Variants in ROBO2 observed in about 807,000 individuals in gnomAD.
ROBO2 encodes roundabout guidance receptor 2.
ROBO2 carries 53 observed loss-of-function variants against 160.8 expected under a neutral mutation model. The observed-to-expected ratio is 0.33, with a 90% CI of 0.26 to 0.41. The LOEUF (loss-of-function observed/expected upper bound fraction) is 0.41. Among genes scored for constraint, ROBO2 ranks in the 10% least tolerant of loss-of-function variants. The probability of loss-of-function intolerance (pLI) is 1.00; values close to 1 mark genes in which losing one functional copy is unlikely to be tolerated. For synonymous variants in ROBO2, 664 were observed against 611.7 expected, an observed-to-expected ratio of 1.09 and a Z score of -1.26; for missense variants, 1,577 against 1,722.4, an observed-to-expected ratio of 0.92 and a Z score of 1.49.
At chr3:76,838,132 A>G (rs2067881317) in intron 2 of ROBO2, among the ~76,000 whole-genome samples, 1 of 152,128 alleles carries the variant, frequency 6.6e-6, no homozygotes, top group South Asian at 2.1e-4. Context: ...CTAACAAGGA[A>G]CAGAAAACCG....
chr3:76,114,127 GAAC>G (rs1286159085), intron 2 of ROBO2, among the ~76,000 whole-genome samples: 3 of 152,114 alleles, frequency 2.0e-5, no homozygotes, highest in Non-Finnish European at 4.4e-5. Flanking sequence ...ATAGAAAATG[GAAC>G]AACATACCTC....
At position 76,886,544 on chromosome 3, in the gene ROBO2, C is replaced by T. The variant is rs557005736; in HGVS notation, c.110-211470C>T. On this transcript the variant is annotated intron_variant, in intron 2 of 26. Coordinates refer to the ROBO2 transcript ENST00000487694. ...TGTAGGTTTTCCTTCTTTGCACTTC[C>T]GGTAGATGCTGTTTACAGATGGGTG... 4.6e-4 allele frequency among the ~76,000 whole-genome samples: 70 copies of T among 152,182 alleles called. 2 individuals carry two copies. The highest frequency in any genetic ancestry group is 1.6e-3 in the African/African-American group (65 of 41,522).
intron 2 of ROBO2, among the ~76,000 whole-genome samples, chr3:77,118,436 TC>T (rs1468044157): frequency 5.9e-5 from 9 of 152,182 alleles, no homozygotes; most frequent in African/African-American, 2.2e-4. Context: ...TAAAGATTAA[TC>T]CCTATAACAA....
In ROBO2 at chr3:76,768,688, T is replaced by G. The variant is rs889120642; in HGVS notation, c.110-329326T>G. On this transcript the variant is annotated intron_variant, in intron 2 of 26. Transcript: ENST00000487694. ...TAATATGTAAAACTTTAGTTTAAAT[T>G]AACAATTATGTTAAATTTTAGGCTA... 5.3e-5 allele frequency among the ~76,000 whole-genome samples: 8 copies of G among 150,898 alleles called. No individual in the cohort carries two copies. In the South Asian group the frequency reaches 1.5e-3, roughly 27 times the overall value.
At chr3:76,388,277 CTT>C (rs34539559) in intron 2 of ROBO2, among the ~76,000 whole-genome samples, 9 of 142,402 alleles carry the variant, frequency 6.3e-5, no homozygotes, top group Non-Finnish European at 6.2e-5. Context: ...CCATTTTTTT[CTT>C]TTTTTTTTTT....
rs531860209 is a variant in ROBO2, at chr3:76,675,150, G to A, written c.110-422864G>A. 2.6e-5 allele frequency among the ~76,000 whole-genome samples: 4 copies of A among 152,262 alleles called. 1 individual carries two copies. The South Asian group carries it at 6.3e-4, about 24-fold the overall frequency. On this transcript the variant is annotated intron_variant, in intron 2 of 26. Transcript: ENST00000487694. ...GTAAAAATCTCTGAATTAGTTGCAT[G>A]TCTCTCTGACTAGAAAGTTCCAACA...
intron 25 of ROBO2, 133 bp from the exon 28 acceptor site, chr3:77,645,921 T>A: frequency 1.8e-6 from 1 of 563,530 alleles, no homozygotes; most frequent in Non-Finnish European, 3.1e-6. Flanking sequence ...GTAAAATTAC[T>A]TAAATTCACA....
At chr3:76,863,164 T>C (rs528647887) in intron 2 of ROBO2, among the ~76,000 whole-genome samples, 1 of 152,250 alleles carries the variant, frequency 6.6e-6, no homozygotes, top group South Asian at 2.1e-4. Flanking sequence ...ACTTGTCTTC[T>C]AGCCACGTGA....
chr3:76,158,365 G>A (rs536482848), intron 2 of ROBO2, among the ~76,000 whole-genome samples: 7 of 151,716 alleles, frequency 4.6e-5, no homozygotes, highest in Middle Eastern at 6.8e-3. Context: ...GTGTTTTTAT[G>A]ATCCAATCTC....
intron 2 of ROBO2, among the ~76,000 whole-genome samples, chr3:76,815,443 T>C (rs1459495514): frequency 2.0e-5 from 3 of 148,872 alleles, no homozygotes; most frequent in East Asian, 2.0e-4. Flanking sequence ...TCCAGAAAAA[T>C]TGAAAAAAAA....
chr3:76,066,243 G>A (rs1296823439), intron 2 of ROBO2, among the ~76,000 whole-genome samples: 5 of 152,020 alleles, frequency 3.3e-5, no homozygotes, highest in Non-Finnish European at 7.4e-5. Context: ...CTCCATTTTG[G>A]AGAGTGTTGA....
intron 2 of ROBO2, among the ~76,000 whole-genome samples, chr3:76,270,085 G>T (rs1263251790): frequency 6.6e-6 from 1 of 151,946 alleles, no homozygotes; most frequent in African/African-American, 2.4e-5. Context: ...TATTGATGGA[G>T]GAGTTTAAGG....
At chr3:76,975,762 C>A (rs2059787600) in intron 2 of ROBO2, among the ~76,000 whole-genome samples, 1 of 151,954 alleles carries the variant, frequency 6.6e-6, no homozygotes, top group African/African-American at 2.4e-5. Context: ...AAACACAAAT[C>A]TTTTTTGACA....
rs60736267 is a variant in ROBO2 at position 77,074,737 on chromosome 3, G to GATGAATGA, written c.62-23255_62-23248dup. Reference sequence around the variant, plus strand: ...AAATATTCAGTATAAATGAATAAGTGATGAATGAATGAATGAATGAATGAA... The same window carrying GATGAATGA: ...AAATATTCAGTATAAATGAATAAGTGATGAATGAATGAATGAATGAATGAATGAATGAA... On this transcript the variant is annotated intron_variant, in intron 1 of 25. Transcript: ENST00000461745. 6.8e-3 allele frequency among the ~76,000 whole-genome samples: 1,035 copies of GATGAATGA among 151,686 alleles called. 6 individuals are homozygous for GATGAATGA. Among genetic ancestry groups the GATGAATGA allele is most frequent in the African/African-American group, 0.024 (983 of 41,110 alleles).
rs530443092 is a variant in ROBO2, at chr3:76,316,837, G to A, written c.109+379235G>A. Among the ~76,000 whole-genome samples, 9 of 152,156 alleles carry A rather than the reference G, an allele frequency of 5.9e-5. No individual in the cohort carries two copies. The South Asian group carries it at 6.2e-4, about 11-fold the overall frequency. ...GAAATCTTCACAATTTATGTTCCTC[G>A]GCCGCGGCTCCAGCCAGTCCCTCCG... On this transcript the variant is annotated intron_variant, in intron 2 of 26. Coordinates refer to the ROBO2 transcript ENST00000487694.
intron 2 of ROBO2, among the ~76,000 whole-genome samples, chr3:77,121,956 GA>G (rs2074818647): frequency 6.6e-6 from 1 of 151,846 alleles, no homozygotes; most frequent in Admixed American, 6.6e-5. Context: ...TGGCAGGGTA[GA>G]TTTTTTTAAA....
intron 2 of ROBO2, among the ~76,000 whole-genome samples, chr3:76,449,767 G>A (rs758792932): frequency 6.6e-6 from 1 of 152,152 alleles, no homozygotes; most frequent in South Asian, 2.1e-4. Context: ...ATTGAAGAGA[G>A]TCGTTAAATA....
intron 2 of ROBO2, among the ~76,000 whole-genome samples, chr3:76,526,488 T>C (rs749218153): frequency 2.1e-4 from 32 of 152,070 alleles, no homozygotes; most frequent in Non-Finnish European, 3.5e-4. Context: ...TGTTGTTTTG[T>C]TTAATTTTGT....
intron 2 of ROBO2, among the ~76,000 whole-genome samples, chr3:76,911,505 C>T (rs1215393401): frequency 6.6e-6 from 1 of 152,102 alleles, no homozygotes; most frequent in Non-Finnish European, 1.5e-5. Flanking sequence ...GATGAAGAAA[C>T]TATCAAGGCT....
Sources: gnomAD v4.1 joint callset for allele counts (sites outside exome capture counted in the v4.1 genomes callset) on GRCh38, gnomAD v4.1.1 for gene constraint, MANE v1.5 for transcripts, NCBI Gene and HGNC (gene_info 2026-07-23, HGNC 2026-07-21) for gene names.